CALCR: variants seen among roughly 807,000 people sequenced by gnomAD.
CALCR encodes calcitonin receptor.
Under a neutral mutation model 59.5 loss-of-function variants are expected in CALCR, and 47 were observed. That is an observed-to-expected ratio of 0.79 (90% CI 0.63 to 1.01). The LOEUF is 1.01. Ranked by LOEUF, CALCR falls within the 50% of genes least tolerant of loss-of-function variation. The pLI, the probability that CALCR is intolerant of heterozygous loss-of-function variation, is 0.00. For synonymous variants in CALCR, 213 were observed against 211.3 expected (o/e 1.01, Z -0.07); for missense variants, 566 against 597.1 (o/e 0.95, Z 0.54).
intron 2 of CALCR, among the ~76,000 whole-genome samples, chr7:93,561,125 T>C (rs1789737150): frequency 6.6e-6 from 1 of 152,182 alleles, no homozygotes; most frequent in South Asian, 2.1e-4. Flanking sequence ...TTGTATTTCC[T>C]TTCTGTTACA....
intron 7 of CALCR, among the ~76,000 whole-genome samples, chr7:93,463,934 A>G (rs1459265384): frequency 6.6e-6 from 1 of 152,026 alleles, no homozygotes; most frequent in Non-Finnish European, 1.5e-5. Flanking sequence ...AGTACCATAA[A>G]TTCTCCAGTA....
At chr7:93,560,069 A>C (rs969675942) in intron 2 of CALCR, among the ~76,000 whole-genome samples, 1 of 152,080 alleles carries the variant, frequency 6.6e-6, no homozygotes, top group Non-Finnish European at 1.5e-5. Context: ...ATGGGACCCT[A>C]ATGAGTATGT....
At chr7:93,545,005 G>A (rs1789247597) in intron 2 of CALCR, among the ~76,000 whole-genome samples, 3 of 152,060 alleles carry the variant, frequency 2.0e-5, no homozygotes, top group Admixed American at 1.3e-4. Context: ...CTGTGGAGAA[G>A]GGCAGAAAAC....
intron 2 of CALCR, among the ~76,000 whole-genome samples, chr7:93,501,602 C>G (rs896226013): frequency 6.6e-6 from 1 of 151,940 alleles, no homozygotes; most frequent in Admixed American, 6.6e-5. Flanking sequence ...GACTTAGATC[C>G]ATAGGTAATC....
At chr7:93,453,168 A>G (rs1279899021) in intron 8 of CALCR, among the ~76,000 whole-genome samples, 1 of 152,054 alleles carries the variant, frequency 6.6e-6, no homozygotes, top group Non-Finnish European at 1.5e-5. Context: ...CAGGTGATAA[A>G]GCCCTAATGA....
intron 2 of CALCR, among the ~76,000 whole-genome samples, chr7:93,533,827 CT>C (rs1402490832): frequency 6.6e-6 from 1 of 151,738 alleles, no homozygotes; most frequent in Non-Finnish European, 1.5e-5. Flanking sequence ...CAGTTTTCTT[CT>C]GCTATAAATG....
chr7:93,552,697 G>A (rs1337562729), intron 2 of CALCR, among the ~76,000 whole-genome samples: 3 of 152,018 alleles, frequency 2.0e-5, no homozygotes, highest in Non-Finnish European at 2.9e-5. Flanking sequence ...TAATTTCTTT[G>A]ACAATTAGCA....
chr7:93,491,906 T>C (rs980035267), intron 2 of CALCR, among the ~76,000 whole-genome samples: 12 of 151,938 alleles, frequency 7.9e-5, no homozygotes, highest in Admixed American at 7.9e-4. Flanking sequence ...ACTGGGTATA[T>C]ACCCAAAGGA....
At chr7:93,487,121 C>T (rs1562993338) in intron 2 of CALCR, 114 bp from the exon 3 acceptor site, 1 of 590,584 alleles carries the variant, frequency 1.7e-6, no homozygotes, top group South Asian at 2.2e-5. Context: ...TCCCAAGACA[C>T]CCTAAAAAAC....
chr7:93,532,838 C>CAAAAAAAAAAAAAAAAAAAAAAAAAAAA (rs57128008), intron 2 of CALCR, among the ~76,000 whole-genome samples: 19 of 95,674 alleles, frequency 2.0e-4, no homozygotes, highest in African/African-American at 9.5e-4. Flanking sequence ...ATGTCCAAAG[C>CAAAAAAAAAAAAAAAAAAAAAAAAAAAA]AAAAAAAAAA....
intron 8 of CALCR, among the ~76,000 whole-genome samples, chr7:93,456,498 A>G (rs960813425): frequency 6.6e-6 from 1 of 152,004 alleles, no homozygotes; most frequent in East Asian, 1.9e-4. Flanking sequence ...TGGTTGCAAG[A>G]CTCACAAAGC....
At chr7:93,444,445 G>A (rs1799972716) in intron 8 of CALCR, among the ~76,000 whole-genome samples, 4 of 152,044 alleles carry the variant, frequency 2.6e-5, no homozygotes, top group Admixed American at 2.0e-4. Context: ...CTGCATAATG[G>A]AATACTTTTA....
At chr7:93,500,045 C>T (rs1026314472) in intron 2 of CALCR, among the ~76,000 whole-genome samples, 2 of 151,754 alleles carry the variant, frequency 1.3e-5, no homozygotes, top group African/African-American at 4.8e-5. Flanking sequence ...TCAAATATCC[C>T]CAACTTCTCA....
At chr7:93,488,327 C>T (rs1800994243) in intron 2 of CALCR, among the ~76,000 whole-genome samples, 1 of 151,102 alleles carries the variant, frequency 6.6e-6, no homozygotes, top group Non-Finnish European at 1.5e-5. Flanking sequence ...AAACCAATGG[C>T]ACTATGTAGA....
intron 4 of CALCR, among the ~76,000 whole-genome samples, chr7:93,479,075 A>T (rs1800734747): frequency 6.6e-6 from 1 of 151,312 alleles, no homozygotes; most frequent in Non-Finnish European, 1.5e-5. Context: ...CCCCTCCCTC[A>T]CTCGGTCCTT....
At chr7:93,560,244 C>A (rs1789714107) in intron 2 of CALCR, among the ~76,000 whole-genome samples, 1 of 151,986 alleles carries the variant, frequency 6.6e-6, no homozygotes, top group South Asian at 2.1e-4. Context: ...AAGCTTTTTA[C>A]TAAGGAATCA....
At chr7:93,452,388 T>A (rs953061099) in intron 8 of CALCR, among the ~76,000 whole-genome samples, 4 of 151,928 alleles carry the variant, frequency 2.6e-5, no homozygotes, top group African/African-American at 9.7e-5. Context: ...AAATACCAGT[T>A]CAGTTGATAA....
In CALCR at chr7:93,449,792, A is replaced by G. The variant is rs561583664; in HGVS notation, c.649-6035T>C. Among the ~76,000 whole-genome samples the G allele has an allele frequency of 6.6e-5, 10 of 152,180 alleles. No homozygotes were observed. The South Asian group carries it at 1.0e-3, about 16-fold the overall frequency. ...CATATCTGCAGCGGTCAGGCTGCTG[A>G]CATCAATAGAAAACTTACAATGCTG... is the stretch of plus-strand genomic sequence containing the variant. On this transcript the variant is annotated intron_variant, in intron 8 of 13. Transcript: ENST00000426151.
chr7:93,472,415 T>A lies in CALCR; in HGVS notation c.389A>T (p.Asn130Ile). The change falls in exon 6 of 14, where the codon AAC becomes ATC. Residue 130 changes from asparagine to isoleucine, a missense_variant. By Grantham distance (149) the Asn-to-Ile change is moderately radical (BLOSUM62 -3). Coordinates refer to ENST00000426151, the MANE Select transcript of CALCR (RefSeq NM_001742.4). ...AGTGAAAGCATTGCACATAGTATAG[T>A]TGGACCAGGTTCGATTGTTTTCAGG... ...KHPENNRTWSNYTMCNAFTPE... is the reference protein window; with the variant it reads ...KHPENNRTWSIYTMCNAFTPE... 6.2e-7 allele frequency: 1 copy of A among 1,610,464 alleles called. No individual in the cohort carries two copies. The highest frequency in any genetic ancestry group is 8.5e-7 in the Non-Finnish European group (1 of 1,177,500).
Sources: gnomAD v4.1 joint callset for allele counts (sites outside exome capture counted in the v4.1 genomes callset) on GRCh38, gnomAD v4.1.1 for gene constraint, MANE v1.5 for transcripts, NCBI Gene and HGNC (gene_info 2026-07-23, HGNC 2026-07-21) for gene names.